ATP7B: variants seen among roughly 807,000 people sequenced by gnomAD.
ATP7B encodes ATPase copper transporting beta.
ATP7B carries 113 observed loss-of-function variants against 118.9 expected under a neutral mutation model. The ratio of observed to expected loss-of-function variants is 0.95; its 90% CI spans 0.82 to 1.11. The LOEUF is 1.11. Among genes scored for constraint, ATP7B ranks in the 50% most tolerant of loss-of-function variants. ATP7B has a pLI of 0.00. For synonymous variants in ATP7B, 777 were observed against 727.4 expected (o/e 1.07, Z -1.10); for missense variants, 1,867 against 1,871.4 (o/e 1.00, Z 0.04).
At chr13:51,949,165 G>A (rs1390682946) in intron 12 of ATP7B, among the ~76,000 whole-genome samples, 2 of 152,122 alleles carry the variant, frequency 1.3e-5, no homozygotes, top group Admixed American at 1.3e-4. Context: ...GGGAAACAGA[G>A]GGAGACTCCA....
chr13:51,940,081 T>C (rs1019212626), intron 16 of ATP7B, among the ~76,000 whole-genome samples: 3 of 143,472 alleles, frequency 2.1e-5, no homozygotes, highest in Non-Finnish European at 1.5e-5. Context: ...GGTGTGATCT[T>C]GGCTCACCAC....
chr13:51,997,753 G>A (rs1008493859), intron 1 of ATP7B, among the ~76,000 whole-genome samples: 8 of 152,228 alleles, frequency 5.3e-5, no homozygotes, highest in East Asian at 1.9e-4. Flanking sequence ...TTAAACAAAC[G>A]AGGAGGCCTC....
chr13:51,935,777 C>T (rs1397485437), intron 19 of ATP7B, 82 bp from the exon 20 acceptor site: 1 of 1,261,636 alleles, frequency 7.9e-7, no homozygotes, highest in Non-Finnish European at 1.1e-6. Context: ...GCTGCCCCAC[C>T]CTCAGCGGCC....
rs760375974 is a variant in ATP7B at position 51,960,369 on chromosome 13, A to C, written c.1947-47T>G. Reference sequence around the variant, plus strand: ...ACAGATATATCAGATGCTGCTTGTCACCTGGATTACAAGCCACTCCCCTTC... The same window carrying C: ...ACAGATATATCAGATGCTGCTTGTCCCCTGGATTACAAGCCACTCCCCTTC... On this transcript the variant is annotated intron_variant, in intron 6 of 20. Transcript: ENST00000242839. 8.8e-6 allele frequency: 14 copies of C among 1,585,044 alleles called. No individual in the cohort carries two copies. The Admixed American group carries it at 1.1e-4, about 12-fold the overall frequency.
chr13:51,962,530 G>T (rs1445898278), intron 5 of ATP7B, among the ~76,000 whole-genome samples: 1 of 152,206 alleles, frequency 6.6e-6, no homozygotes, highest in Non-Finnish European at 1.5e-5. Context: ...CTCTTGTCTG[G>T]TAGCACAATT....
At chr13:52,011,225 G>T in intron 1 of ATP7B, 62 bp downstream of exon 1, 1 of 1,612,070 alleles carries the variant, frequency 6.2e-7, no homozygotes, top group South Asian at 1.1e-5. Context: ...GCCGAACGCG[G>T]GGAGGAAAAT....
In ATP7B at chr13:51,964,938, G is replaced by A. The variant is rs761654343; in HGVS notation, c.1803C>T (p.Thr601=). 2 of 1,614,132 alleles carry A rather than the reference G, an allele frequency of 1.2e-6. No individual in the cohort carries two copies. The highest frequency in any genetic ancestry group is 1.7e-6 in the Non-Finnish European group (2 of 1,180,026). Residue 601 remains threonine, a synonymous_variant, in exon 5 of 21, where the codon ACC becomes ACT. Coordinates refer to ENST00000242839, the MANE Select transcript of ATP7B (RefSeq NM_000053.4). Reference sequence around the variant, plus strand: ...GGTCAAACTTAACAAGGGCTTTGCTGGTGGCAAGGGCAACGGAGGCATAAG... The same window carrying A: ...GGTCAAACTTAACAAGGGCTTTGCTAGTGGCAAGGGCAACGGAGGCATAAG... ...GITYASVALA[T]SKALVKFDPE... is the part of the protein sequence containing the mutation.
intron 12 of ATP7B, 113 bp from the exon 13 acceptor site, chr13:51,946,591 G>A: frequency 7.9e-7 from 1 of 1,262,964 alleles, no homozygotes; most frequent in Non-Finnish European, 1.1e-6. Context: ...GACGAACTTG[G>A]GTTCCGGAAA....
At chr13:52,011,638 GGT>G (rs1386687836), upstream of ATP7B, 1 of 548,596 alleles carries the variant, frequency 1.8e-6, no homozygotes, top group African/African-American at 1.9e-5. Context: ...CCACTCCCCA[GGT>G]GGCTGGGAGT....
intron 17 of ATP7B, 149 bp downstream of exon 17, chr13:51,938,902 T>A: frequency 7.7e-7 from 1 of 1,303,072 alleles, no homozygotes; most frequent in Non-Finnish European, 1.1e-6. Flanking sequence ...CAACACTACA[T>A]GGCCACAGAA....
chr13:51,965,128 C>T, intron 4 of ATP7B, 95 bp from the exon 5 acceptor site: 1 of 1,486,784 alleles, frequency 6.7e-7, no homozygotes, highest in South Asian at 1.1e-5. Flanking sequence ...CAGCCAAGAG[C>T]CTTTCCCTCC....
At chr13:51,968,166 C>A (rs1390305841) in intron 4 of ATP7B, among the ~76,000 whole-genome samples, 4 of 152,188 alleles carry the variant, frequency 2.6e-5, no homozygotes, top group Admixed American at 1.3e-4. Context: ...TCTTTAATTC[C>A]TGTTTCTTCT....
intron 1 of ATP7B, among the ~76,000 whole-genome samples, chr13:51,979,584 G>A (rs1001530089): frequency 2.0e-5 from 3 of 152,052 alleles, no homozygotes; most frequent in African/African-American, 4.8e-5. Context: ...AAGAACCAAG[G>A]ATAAAAGAAA....
rs1956781739 is a variant in ATP7B, at chr13:51,932,949, G to A, written c.*1807C>T. The A allele has an allele frequency of 6.6e-6, 1 of 152,220 alleles. No individual in the cohort carries two copies. Among genetic ancestry groups the A allele is most frequent in the Non-Finnish European group, 1.5e-5 (1 of 68,040 alleles). 9.4% of individuals were successfully genotyped at this position (152,220 alleles called of 1,614,324 possible). On this transcript the variant is annotated 3_prime_UTR_variant, in exon 21 of 21. Coordinates refer to ENST00000242839, the MANE Select transcript of ATP7B (RefSeq NM_000053.4). ...GAGAGGACACAATTACTGACGGACA[G>A]CGGAAATGTGCTGCGGGCTGGAGTG...
In ATP7B at chr13:51,964,925, C is replaced by T. The variant is rs748832657; in HGVS notation, c.1816G>A (p.Val606Ile). 4 of 1,614,026 alleles carry T rather than the reference C, an allele frequency of 2.5e-6. No homozygotes were observed. Among genetic ancestry groups the T allele is most frequent in the Non-Finnish European group, 3.4e-6 (4 of 1,180,040 alleles). The change falls in exon 5 of 21, where the codon GTT becomes ATT. Residue 606 changes from valine to isoleucine, a missense_variant. Transcript: ENST00000242839. ...SVALATSKAL[V>I]KFDPEIIGPR... ...CCGATAATTTCCGGGTCAAACTTAA[C>T]AAGGGCTTTGCTGGTGGCAAGGGCA...
At chr13:51,958,182 G>C in intron 8 of ATP7B, 129 bp downstream of exon 8, 1 of 1,089,052 alleles carries the variant, frequency 9.2e-7, no homozygotes, top group Non-Finnish European at 1.4e-6. Flanking sequence ...TAATTATATG[G>C]AGGTTTCCTA....
At chr13:51,990,905 C>T (rs190952914) in intron 1 of ATP7B, among the ~76,000 whole-genome samples, 9 of 152,262 alleles carry the variant, frequency 5.9e-5, no homozygotes, top group African/African-American at 4.8e-5. Context: ...CTGGACAACA[C>T]GGTGAAACCT....
Position 51,958,560 on chromosome 13 carries a change from A to G in ATP7B, c.2122-16T>C. 3 of 1,610,478 alleles carry G rather than the reference A, an allele frequency of 1.9e-6. No individual in the cohort carries two copies. ...CACCGAGGAGCTGAAAGACAAGGACAGTGAAGGCTGCCAGCAAGTAGGGAG... is the reference window on the plus strand; with the variant it reads ...CACCGAGGAGCTGAAAGACAAGGACGGTGAAGGCTGCCAGCAAGTAGGGAG... On this transcript the variant is annotated splice_polypyrimidine_tract_variant and intron_variant, in intron 7 of 20. Transcript: ENST00000242839.
chr13:51,994,170 G>T (rs932055166), intron 1 of ATP7B, among the ~76,000 whole-genome samples: 3 of 152,116 alleles, frequency 2.0e-5, no homozygotes, highest in African/African-American at 7.2e-5. Flanking sequence ...ATATGAAAAG[G>T]CTGATTAAAA....
Sources: allele counts gnomAD v4.1 joint callset (sites outside exome capture counted in the v4.1 genomes callset), GRCh38; gene constraint gnomAD v4.1.1; transcripts MANE v1.5; gene names NCBI Gene and HGNC (gene_info 2026-07-23, HGNC 2026-07-21).